ZRANB3: variants seen among roughly 807,000 people sequenced by gnomAD.
ZRANB3 encodes the protein DNA annealing helicase and endonuclease ZRANB3.
A neutral mutation model predicts 133.8 loss-of-function variants in ZRANB3; 125 were observed. That is an observed-to-expected ratio of 0.93 (90% CI 0.81 to 1.08). The LOEUF (loss-of-function observed/expected upper bound fraction) is 1.08, where lower values mean the gene tolerates loss of function less well. ZRANB3 is among the 50% of genes least tolerant of loss of function. The pLI is 0.00. For missense variants in ZRANB3, 1,229 were observed against 1,275.5 expected, an observed-to-expected ratio of 0.96 and a Z score of 0.56; for synonymous variants, 387 against 432.7, an observed-to-expected ratio of 0.89 and a Z score of 1.31.
intron 2 of ZRANB3, among the ~76,000 whole-genome samples, chr2:135,496,414 G>GAAAAAAAAAAAAAAAAAAAA (rs1692672066): frequency 2.6e-5 from 2 of 77,126 alleles, no homozygotes; most frequent in Admixed American, 1.4e-4. Context: ...AAAAAAAAAC[G>GAAAAAAAAAAAAAAAAAAAA]AAATCCGCAG....
chr2:135,461,823 T>C (rs950158648), intron 2 of ZRANB3, among the ~76,000 whole-genome samples: 3 of 152,182 alleles, frequency 2.0e-5, no homozygotes, highest in African/African-American at 7.2e-5. Context: ...GAATCTAGTT[T>C]CTTCACTAGC....
At chr2:135,322,766 T>C (rs1683593792) in intron 6 of ZRANB3, among the ~76,000 whole-genome samples, 1 of 151,980 alleles carries the variant, frequency 6.6e-6, no homozygotes, top group Admixed American at 6.6e-5. Context: ...CCTGTAATCT[T>C]AGCACTTTGG....
At chr2:135,511,620 GA>G in intron 1 of ZRANB3, 1 of 789,376 alleles carries the variant, frequency 1.3e-6, no homozygotes, top group Non-Finnish European at 2.3e-6. Flanking sequence ...ACATCTGCAT[GA>G]ATCTCCTCAA....
chr2:135,227,892 T>A lies in ZRANB3; in HGVS notation c.2078A>T (p.Glu693Val). 6.4e-7 allele frequency: 1 copy of A among 1,568,288 alleles called. No individual in the cohort carries two copies. The highest frequency in any genetic ancestry group is 8.7e-7 in the Non-Finnish European group (1 of 1,154,686). Residue 693 changes from glutamate (E) to valine (V), a missense_variant, in exon 14 of 21, where the codon GAA becomes GTA. Coordinates refer to ENST00000264159, the MANE Select transcript of ZRANB3 (RefSeq NM_032143.4). Reference sequence around the variant, plus strand: ...CTTGCTGTCAGCCAACTGGCCAGGTTCTGACTGTGCAAGGGCTTGTTTTTC... The same window carrying A: ...CTTGCTGTCAGCCAACTGGCCAGGTACTGACTGTGCAAGGGCTTGTTTTTC... ...DCEKQALAQS[E>V]PGQLADSKEE...
At chr2:135,221,541 G>C (rs972133367) in intron 15 of ZRANB3, among the ~76,000 whole-genome samples, 8 of 152,156 alleles carry the variant, frequency 5.3e-5, no homozygotes, top group Admixed American at 4.6e-4. Flanking sequence ...TCATTGTATA[G>C]AGTAAAAAAA....
At chr2:135,347,516 T>C (rs1042129838) in intron 5 of ZRANB3, among the ~76,000 whole-genome samples, 1 of 152,092 alleles carries the variant, frequency 6.6e-6, no homozygotes, top group Non-Finnish European at 1.5e-5. Context: ...TCTCCTGACC[T>C]CGTGATCTGC....
intron 3 of ZRANB3, among the ~76,000 whole-genome samples, chr2:135,382,678 C>T (rs1235410964): frequency 6.6e-6 from 1 of 151,952 alleles, no homozygotes; most frequent in Non-Finnish European, 1.5e-5. Flanking sequence ...AGACTGGGGG[C>T]CAATATTCAA....
chr2:135,389,735 G>A (rs1353829594), intron 3 of ZRANB3, among the ~76,000 whole-genome samples: 1 of 152,098 alleles, frequency 6.6e-6, no homozygotes, highest in African/African-American at 2.4e-5. Context: ...TAAGCCATTG[G>A]TGGGAGTCTA....
intron 1 of ZRANB3, chr2:135,511,678 CCATCATTTAGTGTGGCATAAGCATCA>C (rs1693461049): frequency 1.3e-6 from 1 of 767,952 alleles, no homozygotes; most frequent in African/African-American, 1.7e-5. Flanking sequence ...GACTACCACA[CCATCATTTAGTGTGGCATAAGCATCA>C]ACATGGAGAA....
At chr2:135,381,515 C>T (rs1308396641) in intron 3 of ZRANB3, among the ~76,000 whole-genome samples, 4 of 152,196 alleles carry the variant, frequency 2.6e-5, no homozygotes, top group Non-Finnish European at 5.9e-5. Flanking sequence ...TCCCAGCACA[C>T]AGCTGGAGAT....
intron 2 of ZRANB3, among the ~76,000 whole-genome samples, chr2:135,452,270 C>A (rs561229572): frequency 6.6e-6 from 1 of 152,220 alleles, no homozygotes; most frequent in Non-Finnish European, 1.5e-5. Flanking sequence ...AATTACCTCC[C>A]CCTGGGTCCC....
chr2:135,514,833 GT>G (rs201881336), intron 1 of ZRANB3, among the ~76,000 whole-genome samples: 2,055 of 151,978 alleles, frequency 0.014, 49 homozygotes, highest in African/African-American at 0.048. Flanking sequence ...TTTATTGACA[GT>G]TTTTTTTAGC....
At chr2:135,439,651 A>T (rs1003100945) in intron 2 of ZRANB3, among the ~76,000 whole-genome samples, 1 of 152,202 alleles carries the variant, frequency 6.6e-6, no homozygotes, top group Non-Finnish European at 1.5e-5. Context: ...ATTTCTGTGA[A>T]ATTTAGCTTT....
chr2:135,436,021 A>G (rs895895419), intron 2 of ZRANB3, among the ~76,000 whole-genome samples: 2 of 152,038 alleles, frequency 1.3e-5, no homozygotes, highest in Non-Finnish European at 2.9e-5. Flanking sequence ...TTTTCGTTGC[A>G]ATTGCTATTG....
At chr2:135,478,416 T>C (rs1691600499) in intron 2 of ZRANB3, among the ~76,000 whole-genome samples, 1 of 152,074 alleles carries the variant, frequency 6.6e-6, no homozygotes, top group African/African-American at 2.4e-5. Flanking sequence ...GGCCCATCCT[T>C]TCACAACACC....
At chr2:135,384,773 G>T (rs944863113) in intron 3 of ZRANB3, among the ~76,000 whole-genome samples, 1 of 152,086 alleles carries the variant, frequency 6.6e-6, no homozygotes, top group African/African-American at 2.4e-5. Flanking sequence ...TGCAGAAAAG[G>T]CCTTTGACAA....
At position 135,313,476 on chromosome 2, in the gene ZRANB3, C is replaced by A. The variant is rs1434993492; in HGVS notation, c.966+13G>T. Reference sequence around the variant, plus strand: ...GTATGAAGACAAATACATGATGGCCCAGCAAAGAGTACCTTGGCAATAGCA... The same window carrying A: ...GTATGAAGACAAATACATGATGGCCAAGCAAAGAGTACCTTGGCAATAGCA... On this transcript the variant is annotated intron_variant, in intron 8 of 20. Coordinates refer to ENST00000264159, the MANE Select transcript of ZRANB3 (RefSeq NM_032143.4). 6 of 1,546,518 alleles carry A rather than the reference C, an allele frequency of 3.9e-6. No individual in the cohort carries two copies. In the African/African-American group the frequency reaches 6.8e-5, roughly 18 times the overall value.
At chr2:135,317,199 A>G (rs1487856288) in intron 6 of ZRANB3, among the ~76,000 whole-genome samples, 1 of 151,996 alleles carries the variant, frequency 6.6e-6, no homozygotes, top group African/African-American at 2.4e-5. Context: ...TTGTTCATTA[A>G]AATTTTTTGA....
At chr2:135,307,773 G>T (rs1031939159) in intron 8 of ZRANB3, among the ~76,000 whole-genome samples, 2 of 152,148 alleles carry the variant, frequency 1.3e-5, no homozygotes, top group African/African-American at 4.8e-5. Context: ...ATAGTATGGT[G>T]GGGGAGGGGA....
Sources: gnomAD v4.1 joint callset for allele counts (sites outside exome capture counted in the v4.1 genomes callset) on GRCh38, gnomAD v4.1.1 for gene constraint, MANE v1.5 for transcripts, NCBI Gene and HGNC (gene_info 2026-07-23, HGNC 2026-07-21) for gene names.